Variants in EXOC2 observed in about 807,000 individuals in gnomAD.
The protein encoded by EXOC2 is exocyst complex component 2, also known as SEC5-like 1.
EXOC2 carries 70 observed loss-of-function variants against 131.8 expected under a neutral mutation model. The ratio of observed to expected loss-of-function variants is 0.53; its 90% CI spans 0.44 to 0.65. The LOEUF (loss-of-function observed/expected upper bound fraction) is 0.65, where lower values mean the gene tolerates loss of function less well. Among genes scored for constraint, EXOC2 ranks in the 30% least tolerant of loss-of-function variants. EXOC2 has a pLI of 0.00. For missense variants in EXOC2, 923 were observed against 1,108.6 expected, an observed-to-expected ratio of 0.83 and a Z score of 2.38; for synonymous variants, 411 against 398.4, an observed-to-expected ratio of 1.03 and a Z score of -0.38.
intron 1 of EXOC2, chr6:656,551 GAT>G: frequency 6.3e-7 from 1 of 1,598,718 alleles, no homozygotes; most frequent in Non-Finnish European, 8.5e-7. Context: ...CGCACGGGCA[GAT>G]CGTGCACCAC....
chr6:626,621 T>C (rs1761582215), intron 4 of EXOC2, among the ~76,000 whole-genome samples: 1 of 151,908 alleles, frequency 6.6e-6, no homozygotes, highest in Non-Finnish European at 1.5e-5. Flanking sequence ...AGACAGACTC[T>C]CACTCTGTCA....
intron 12 of EXOC2, among the ~76,000 whole-genome samples, chr6:575,470 C>CTCTCCCTCGCTCCCTCTCCATCT (rs1758525955): frequency 6.6e-6 from 1 of 151,274 alleles, no homozygotes; most frequent in Admixed American, 6.6e-5. Flanking sequence ...CCTCTCCATC[C>CTCTCCCTCGCTCCCTCTCCATCT]TCTCCCTCGC....
In EXOC2 at chr6:564,614, T is replaced by TG; in HGVS notation, c.1597dup (p.Gln533ProfsTer28). 1 of 1,613,792 alleles carries TG rather than the reference T, an allele frequency of 6.2e-7. No individual in the cohort carries two copies. The highest frequency in any genetic ancestry group is 8.5e-7 in the Non-Finnish European group (1 of 1,179,834). On this transcript the variant is annotated frameshift_variant, in exon 15 of 28. Transcript: ENST00000230449. LOFTEE classifies it high-confidence loss of function. ...GCACTTCACCTCCCAGCCTCCGTAC[T>TG]GCTTGGCTTCCCCATCCCGGATGCT... is the stretch of plus-strand genomic sequence containing the variant.
intron 23 of EXOC2, among the ~76,000 whole-genome samples, chr6:500,622 G>GA (rs1330256229): frequency 3.3e-5 from 5 of 151,956 alleles, no homozygotes; most frequent in Admixed American, 1.3e-4. Context: ...CATTTTGCAG[G>GA]AAAAAAACCC....
intron 25 of EXOC2, among the ~76,000 whole-genome samples, chr6:493,585 C>A (rs752592411): frequency 6.6e-6 from 1 of 152,162 alleles, no homozygotes; most frequent in Non-Finnish European, 1.5e-5. Flanking sequence ...GCTAAAAGAT[C>A]TGCCAAAATC....
At chr6:676,825 C>T (rs77690718) in intron 1 of EXOC2, among the ~76,000 whole-genome samples, 1,272 of 53,534 alleles carry the variant, frequency 0.024, no homozygotes, top group East Asian at 0.059. Flanking sequence ...ACGGAAAGGA[C>T]AGGTTCCTCT....
intron 22 of EXOC2, among the ~76,000 whole-genome samples, chr6:536,344 G>A (rs938324431): frequency 6.6e-6 from 1 of 151,918 alleles, no homozygotes; most frequent in African/African-American, 2.4e-5. Flanking sequence ...AATAGACATC[G>A]AAGGATTATA....
At chr6:497,233 G>C (rs1763794836) in intron 25 of EXOC2, 134 bp downstream of exon 25, 4 of 758,474 alleles carry the variant, frequency 5.3e-6, no homozygotes, top group Non-Finnish European at 8.2e-6. Flanking sequence ...GCTTATGCAA[G>C]AAAGAATATG....
chr6:664,204 A>C (rs1463420881), intron 1 of EXOC2, among the ~76,000 whole-genome samples: 4 of 152,190 alleles, frequency 2.6e-5, no homozygotes, highest in African/African-American at 9.7e-5. Context: ...AATAAAATAA[A>C]ATAAAATACT....
At chr6:666,174 A>G (rs1227654891) in intron 1 of EXOC2, among the ~76,000 whole-genome samples, 2 of 152,106 alleles carry the variant, frequency 1.3e-5, no homozygotes, top group Non-Finnish European at 2.9e-5. Flanking sequence ...GCAAGTCAGC[A>G]TCCTTTCTCC....
chr6:485,799 C>T lies in EXOC2; in HGVS notation c.*872G>A, dbSNP rs1763011164. ...GCAGGTAAGAAGTGGCAGAGACAGT[C>T]ACCTGCTGAAGGAGCGGGCAGGGAG... On this transcript the variant is annotated 3_prime_UTR_variant, in exon 28 of 28. Transcript: ENST00000230449. The T allele has an allele frequency of 6.6e-6, 1 of 152,242 alleles. No homozygotes were observed. The highest frequency in any genetic ancestry group is 2.4e-5 in the African/African-American group (1 of 41,456). 9.4% of individuals were successfully genotyped at this position (152,242 alleles called of 1,614,324 possible).
At chr6:540,474 T>G (rs1215483364) in intron 22 of EXOC2, among the ~76,000 whole-genome samples, 1 of 152,200 alleles carries the variant, frequency 6.6e-6, no homozygotes, top group Admixed American at 6.5e-5. Flanking sequence ...AATTTCCCCT[T>G]ACTTAGTAAC....
At chr6:668,145 A>G (rs575581208) in intron 1 of EXOC2, among the ~76,000 whole-genome samples, 1 of 148,756 alleles carries the variant, frequency 6.7e-6, no homozygotes, top group African/African-American at 2.5e-5. Flanking sequence ...ATTTTTTGGT[A>G]TTTGTCTTGC....
intron 1 of EXOC2, among the ~76,000 whole-genome samples, chr6:651,007 C>T (rs1444524837): frequency 6.6e-6 from 1 of 150,622 alleles, no homozygotes; most frequent in Admixed American, 6.6e-5. Flanking sequence ...TTATAACTTC[C>T]TCACTGTAGT....
rs747703867 is a variant in EXOC2 at position 491,180 on chromosome 6, G to A, written c.2566C>T (p.Leu856Phe). ...FSKNGALQARLEICALRDTVA... is the reference protein window; with the variant it reads ...FSKNGALQARFEICALRDTVA... ...GTGTCCCTCAAAGCACAGATTTCAA[G>A]TCTCGCCTGAAAATGAGAAAAAGAC... The change falls in exon 26 of 28, where the codon CTT becomes TTT. Residue 856 changes from leucine to phenylalanine, a missense_variant. Coordinates refer to ENST00000230449, the MANE Select transcript of EXOC2 (RefSeq NM_018303.6). 2.5e-6 allele frequency: 4 copies of A among 1,614,036 alleles called. No homozygotes were observed. The highest frequency in any genetic ancestry group is 2.7e-5 in the African/African-American group (2 of 74,912).
At chr6:554,674 A>G (rs1757326488) in intron 20 of EXOC2, among the ~76,000 whole-genome samples, 1 of 152,240 alleles carries the variant, frequency 6.6e-6, no homozygotes, top group Admixed American at 6.5e-5. Flanking sequence ...GTCAGAGCAT[A>G]AAGTACACAG....
intron 23 of EXOC2, among the ~76,000 whole-genome samples, chr6:514,455 A>G (rs1765023424): frequency 6.6e-6 from 1 of 152,214 alleles, no homozygotes; most frequent in Non-Finnish European, 1.5e-5. Context: ...AAGAGTAGAA[A>G]ACAGGAAACA....
intron 23 of EXOC2, among the ~76,000 whole-genome samples, chr6:503,932 TC>T (rs1488588669): frequency 3.9e-5 from 6 of 152,218 alleles, no homozygotes; most frequent in African/African-American, 1.4e-4. Flanking sequence ...CATAAAGCAC[TC>T]ACTTCCAATT....
At chr6:545,944 GA>G (rs1416145405) in intron 22 of EXOC2, among the ~76,000 whole-genome samples, 1 of 152,026 alleles carries the variant, frequency 6.6e-6, no homozygotes, top group African/African-American at 2.4e-5. Flanking sequence ...ATATTCAGTA[GA>G]AAAATACAAT....
Sources: allele counts gnomAD v4.1 joint callset (sites outside exome capture counted in the v4.1 genomes callset), GRCh38; gene constraint gnomAD v4.1.1; transcripts MANE v1.5; gene names NCBI Gene and HGNC (gene_info 2026-07-23, HGNC 2026-07-21).